Variants in RYR2 observed in about 807,000 individuals in gnomAD.
The protein encoded by RYR2 is cardiac muscle ryanodine receptor-calcium release channel.
A neutral mutation model predicts 601.1 loss-of-function variants in RYR2; 227 were observed. The observed-to-expected ratio is 0.38, with a 90% CI of 0.34 to 0.42. RYR2 has a LOEUF of 0.42. Ranked by LOEUF, RYR2 falls within the 10% of genes least tolerant of loss-of-function variation. The pLI, the probability that RYR2 is intolerant of heterozygous loss-of-function variation, is 1.00. For synonymous variants in RYR2, 2,223 were observed against 2,175.1 expected (o/e 1.02, Z -0.61); for missense variants, 4,646 against 6,156.5 (o/e 0.75, Z 8.21).
intron 24 of RYR2, among the ~76,000 whole-genome samples, chr1:237,529,240 C>T (rs779308181): frequency 1.3e-5 from 2 of 152,124 alleles, no homozygotes; most frequent in Non-Finnish European, 2.9e-5. Flanking sequence ...TCCCTTTCAA[C>T]GTGCACATTC....
In RYR2 at chr1:237,726,413, CA is replaced by C; in HGVS notation, c.10725+108del. ...TAATCTCTTTCTTCTCTTAGAGTTC[CA>C]AACACTATTAGTTATATAAATAACT... is the stretch of plus-strand genomic sequence containing the variant. On this transcript the variant is annotated intron_variant, in intron 75 of 104. Transcript: ENST00000366574. 1.2e-5 allele frequency: 9 copies of C among 743,496 alleles called. No homozygotes were observed. The South Asian group carries it at 1.5e-4, about 12-fold the overall frequency. 46.1% of individuals were successfully genotyped at this position (743,496 alleles called of 1,614,324 possible).
intron 1 of RYR2, among the ~76,000 whole-genome samples, chr1:237,225,531 T>A (rs1264721797): frequency 1.3e-5 from 2 of 152,122 alleles, no homozygotes; most frequent in Admixed American, 1.3e-4. Context: ...TCCCCCATGA[T>A]TCAGTTATGT....
At chr1:237,669,319 C>T (rs1422748817) in intron 58 of RYR2, among the ~76,000 whole-genome samples, 1 of 152,194 alleles carries the variant, frequency 6.6e-6, no homozygotes, top group African/African-American at 2.4e-5. Flanking sequence ...TCAATCTTTT[C>T]CCCACCTTTC....
At chr1:237,086,794 T>C (rs1276090061) in intron 1 of RYR2, among the ~76,000 whole-genome samples, 1 of 152,012 alleles carries the variant, frequency 6.6e-6, no homozygotes, top group Non-Finnish European at 1.5e-5. Flanking sequence ...ATGGTTTGAG[T>C]ATGTAGAGAT....
At chr1:237,724,771 C>T (rs948103091) in intron 74 of RYR2, among the ~76,000 whole-genome samples, 3 of 152,070 alleles carry the variant, frequency 2.0e-5, no homozygotes, top group Non-Finnish European at 4.4e-5. Flanking sequence ...ACATTTCTGA[C>T]AGCATTGCTC....
intron 47 of RYR2, among the ~76,000 whole-genome samples, chr1:237,641,463 G>GTCTTTCTTTCTTTCTTTCTTTCTTTCTT (rs1459578599): frequency 1.8e-5 from 1 of 55,174 alleles, no homozygotes; most frequent in South Asian, 5.8e-4. Context: ...ATAAATTAGT[G>GTCTTTCTTTCTTTCTTTCTTTCTTTCTT]TCTGTCTGTC....
At position 237,819,104 on chromosome 1, in the gene RYR2, A is replaced by G. The variant is rs368463791; in HGVS notation, c.14502A>G (p.Pro4834=). 24 of 1,613,804 alleles carry G rather than the reference A, an allele frequency of 1.5e-5. No individual in the cohort carries two copies. Among genetic ancestry groups the G allele is most frequent in the Non-Finnish European group, 2.0e-5 (24 of 1,179,696 alleles). Residue 4834 remains proline (P), a synonymous_variant, in exon 101 of 105, where the codon CCA becomes CCG. Coordinates refer to ENST00000366574, the MANE Select transcript of RYR2 (RefSeq NM_001035.3). The surrounding 1 kb of genome is among the most constrained non-coding windows in gnomAD (Gnocchi z 4.0). ...GGATCGGGGATGAAATCGAAGACCC[A>G]GCAGGAGATGAATATGAGATCTATC... is the stretch of plus-strand genomic sequence containing the variant. ...GGGIGDEIED[P]AGDEYEIYRI...
At chr1:237,381,805 T>C (rs1014960843) in intron 8 of RYR2, among the ~76,000 whole-genome samples, 1 of 152,184 alleles carries the variant, frequency 6.6e-6, no homozygotes, top group Non-Finnish European at 1.5e-5. Flanking sequence ...CTAAAAATGG[T>C]TGTAAACGCC....
intron 102 of RYR2, chr1:237,829,908 G>T (rs1239034554): frequency 6.6e-6 from 1 of 152,262 alleles, no homozygotes; most frequent in African/African-American, 2.4e-5. Context: ...CTTAGGAGAG[G>T]CGTGGTCCAG....
intron 1 of RYR2, among the ~76,000 whole-genome samples, chr1:237,153,977 G>A (rs1019927735): frequency 1.3e-5 from 2 of 152,128 alleles, no homozygotes; most frequent in Non-Finnish European, 2.9e-5. Context: ...TAGATTTAAA[G>A]GGTGGATGAC....
At position 237,727,787 on chromosome 1, in the gene RYR2, G is replaced by A. The variant is rs779404689; in HGVS notation, c.10838+588G>A. On this transcript the variant is annotated intron_variant, in intron 76 of 104. Transcript: ENST00000366574. Reference sequence around the variant, plus strand: ...TAATGTAAAAAGATTTGACAGGCCCGTCAACCTTCTCTTAGACATAGAGCA... The same window carrying A: ...TAATGTAAAAAGATTTGACAGGCCCATCAACCTTCTCTTAGACATAGAGCA... Among the ~76,000 whole-genome samples the A allele has an allele frequency of 3.9e-5, 6 of 152,212 alleles. No individual in the cohort carries two copies. The East Asian group carries it at 5.8e-4, about 15-fold the overall frequency.
chr1:237,590,905 G>T lies in RYR2; in HGVS notation c.4073G>T (p.Arg1358Leu). ...KTAHGHLVPD[R>L]VDKDKEATKP... Reference sequence around the variant, plus strand: ...GCTCATGGCCATCTAGTGCCCGATCGTGTTGACAAAGACAAAGAAGCTACT... The same window carrying T: ...GCTCATGGCCATCTAGTGCCCGATCTTGTTGACAAAGACAAAGAAGCTACT... Residue 1358 changes from arginine to leucine, a missense_variant, in exon 31 of 105, where the codon CGT becomes CTT. Physicochemically the swap from Arg to Leu is moderately radical, Grantham distance 102. This residue lies in a region of RYR2 where 1,807 missense variants were observed against 2,088.1 expected (regional missense o/e 0.87). Transcript: ENST00000366574. 1 of 1,613,864 alleles carries T rather than the reference G, an allele frequency of 6.2e-7. No homozygotes were observed.
chr1:237,372,287 G>A (rs1700704193), intron 6 of RYR2, among the ~76,000 whole-genome samples: 1 of 152,162 alleles, frequency 6.6e-6, no homozygotes, highest in African/African-American at 2.4e-5. Context: ...TTGTGATCAT[G>A]TTAGCAAGTG....
intron 10 of RYR2, among the ~76,000 whole-genome samples, chr1:237,394,439 A>G (rs1349060251): frequency 2.6e-5 from 4 of 152,216 alleles, no homozygotes; most frequent in African/African-American, 7.2e-5. Context: ...TAAACAAGTA[A>G]TGCTTCTTGG....
intron 55 of RYR2, 90 bp downstream of exon 55, chr1:237,660,164 T>TC (rs1683639765): frequency 1.5e-6 from 1 of 663,616 alleles, no homozygotes; most frequent in Non-Finnish European, 2.3e-6. Context: ...TAAAATGTCT[T>TC]CTTTATTTTA....
intron 29 of RYR2, among the ~76,000 whole-genome samples, chr1:237,574,531 A>G (rs1673033420): frequency 6.6e-6 from 1 of 152,222 alleles, no homozygotes; most frequent in Non-Finnish European, 1.5e-5. Flanking sequence ...AATAGAGATT[A>G]TACAGGTGGG....
chr1:237,291,391 G>A (rs1254399295), intron 2 of RYR2, among the ~76,000 whole-genome samples: 1 of 152,056 alleles, frequency 6.6e-6, no homozygotes, highest in South Asian at 2.1e-4. Flanking sequence ...TATTTTCATA[G>A]CTAAACATAC....
intron 100 of RYR2, among the ~76,000 whole-genome samples, chr1:237,809,495 G>A (rs1195286564): frequency 6.6e-6 from 1 of 151,974 alleles, no homozygotes; most frequent in East Asian, 1.9e-4. Flanking sequence ...TTTGGTCTTG[G>A]TTTTCAAAAA....
intron 1 of RYR2, among the ~76,000 whole-genome samples, chr1:237,238,354 C>T (rs1008099031): frequency 6.6e-6 from 1 of 152,160 alleles, no homozygotes; most frequent in Non-Finnish European, 1.5e-5. Flanking sequence ...GTTGTCCAGC[C>T]TTTCCAGATC....
Sources: allele counts gnomAD v4.1 joint callset (sites outside exome capture counted in the v4.1 genomes callset), GRCh38; gene constraint gnomAD v4.1.1; regional missense constraint gnomAD v4.1.1; non-coding constraint Gnocchi (gnomAD v3.1); transcripts MANE v1.5; gene names NCBI Gene and HGNC (gene_info 2026-07-23, HGNC 2026-07-21).